Variants in POLR3F observed in about 807,000 individuals in gnomAD.
POLR3F encodes RNA polymerase III subunit F, also known as DNA-directed RNA polymerase III subunit RPC6.
POLR3F carries 31 observed loss-of-function variants against 43.6 expected under a neutral mutation model. The observed-to-expected ratio is 0.71, with a 90% CI of 0.53 to 0.96. The LOEUF is 0.96. POLR3F is among the 40% of genes least tolerant of loss of function. POLR3F has a pLI of 0.00. For synonymous variants in POLR3F, 114 were observed against 132.5 expected, an observed-to-expected ratio of 0.86 and a Z score of 0.96; for missense variants, 316 against 391.7, an observed-to-expected ratio of 0.81 and a Z score of 1.63.
At chr20:18,481,986 T>A (rs1601262441) in intron 8 of POLR3F, among the ~76,000 whole-genome samples, 176 bp downstream of exon 8, 4 of 7,998 alleles carry the variant, frequency 5.0e-4, no homozygotes, top group Non-Finnish European at 1.2e-3. Context: ...TCCTTTACTT[T>A]TTTTTTTTTT....
chr20:18,481,608 C>G lies in POLR3F; in HGVS notation c.682-11C>G. On this transcript the variant is annotated splice_polypyrimidine_tract_variant and intron_variant, in intron 7 of 8. Coordinates refer to ENST00000377603, the MANE Select transcript of POLR3F (RefSeq NM_006466.4). Reference sequence around the variant, plus strand: ...CCTACTTGTGTCCTTTCTGATGTATCCCTTTTTTAGGTAGAGTTATCCATG... The same window carrying G: ...CCTACTTGTGTCCTTTCTGATGTATGCCTTTTTTAGGTAGAGTTATCCATG... 6.4e-7 allele frequency: 1 copy of G among 1,568,896 alleles called. No individual in the cohort carries two copies. The highest frequency in any genetic ancestry group is 8.8e-7 in the Non-Finnish European group (1 of 1,138,944).
intron 2 of POLR3F, among the ~76,000 whole-genome samples, chr20:18,472,252 A>G (rs1003821359): frequency 3.9e-5 from 6 of 151,986 alleles, no homozygotes; most frequent in African/African-American, 1.5e-4. Flanking sequence ...TTCAAGATGG[A>G]GTCTTGCTCT....
chr20:18,484,264 CTT>C lies in POLR3F; in HGVS notation c.*707_*708del. 1 of 397,498 alleles carries C rather than the reference CTT, an allele frequency of 2.5e-6. No homozygotes were observed. Among genetic ancestry groups the C allele is most frequent in the Non-Finnish European group, 4.4e-6 (1 of 225,572 alleles). 24.6% of individuals were successfully genotyped at this position (397,498 alleles called of 1,614,324 possible). A position where few individuals can be genotyped will look rare whatever the true frequency, so the allele number is the denominator to read the frequency against. On this transcript the variant is annotated 3_prime_UTR_variant, in exon 9 of 9. Transcript: ENST00000377603. ...TTCACTGTTCCTTCTTTCTTAAAGT[CTT>C]ATGTTTCACTCTTTAACTCAAATGT...
chr20:18,476,497 AC>A (rs2059781156), intron 5 of POLR3F, among the ~76,000 whole-genome samples: 1 of 152,190 alleles, frequency 6.6e-6, no homozygotes. Context: ...CCGTTGGTGA[AC>A]TTCTGTGTCC....
Position 18,481,716 on chromosome 20 carries a change from T to C in POLR3F, c.779T>C (p.Val260Ala), listed in dbSNP as rs369938005. 2.5e-6 allele frequency: 4 copies of C among 1,613,090 alleles called. No individual in the cohort carries two copies. The highest frequency in any genetic ancestry group is 3.3e-5 in the Admixed American group (2 of 60,002). ...MTIIAAKEGT[V>A]GSVDGHMKLY... ...ATTATTGCTGCAAAAGAAGGCACAG[T>C]TGGCAGTGTAGATGGACACATGAAA... Residue 260 changes from valine to alanine, a missense_variant, in exon 8 of 9, where the codon GTT becomes GCT. Val to Ala is a moderately conservative substitution (Grantham distance 64). This residue lies in a region of POLR3F where 85 missense variants were observed against 80.2 expected (regional missense o/e 1.06). Coordinates refer to ENST00000377603, the MANE Select transcript of POLR3F (RefSeq NM_006466.4).
chr20:18,476,098 C>G (rs1355665270), intron 5 of POLR3F, among the ~76,000 whole-genome samples: 1 of 152,152 alleles, frequency 6.6e-6, no homozygotes, highest in Non-Finnish European at 1.5e-5. Flanking sequence ...ATTCATCATT[C>G]ATACTACAGA....
intron 2 of POLR3F, among the ~76,000 whole-genome samples, chr20:18,471,192 G>C (rs188964152): frequency 1.4e-4 from 21 of 152,294 alleles, no homozygotes; most frequent in Admixed American, 1.4e-3. Flanking sequence ...TACTTCAAAA[G>C]TTAGGTTTCA....
At chr20:18,474,963 C>T in intron 4 of POLR3F, 112 bp from the exon 5 acceptor site, 3 of 554,968 alleles carry the variant, frequency 5.4e-6, no homozygotes, top group Non-Finnish European at 9.8e-6. Context: ...AGCCAGCATT[C>T]TTTACTGTTA....
chr20:18,471,837 C>T (rs903415837), intron 2 of POLR3F, among the ~76,000 whole-genome samples: 1 of 152,198 alleles, frequency 6.6e-6, no homozygotes, highest in Non-Finnish European at 1.5e-5. Flanking sequence ...CAAATATCAG[C>T]GTGGCATGGT....
Position 18,483,899 on chromosome 20 carries a change from G to C in POLR3F, c.*341G>C. The C allele has an allele frequency of 2.5e-6, 1 of 394,222 alleles. No homozygotes were observed. Among genetic ancestry groups the C allele is most frequent in the Non-Finnish European group, 4.5e-6 (1 of 224,116 alleles). The allele number at this position is 394,222 out of a possible 1,614,324, so 24.4% of individuals were successfully genotyped here. ...TTACCAAGTACTATGATAATGGCTA[G>C]AGTATAAAAATGTTCTTTTTAAAGT... On this transcript the variant is annotated 3_prime_UTR_variant, in exon 9 of 9. Coordinates refer to ENST00000377603, the MANE Select transcript of POLR3F (RefSeq NM_006466.4).
intron 8 of POLR3F, among the ~76,000 whole-genome samples, chr20:18,482,299 T>C (rs2059815036): frequency 6.6e-6 from 1 of 152,162 alleles, no homozygotes; most frequent in African/African-American, 2.4e-5. Context: ...CTTTACATTC[T>C]TTCTTGGAAC....
rs550278561 is a variant in POLR3F, at chr20:18,474,800, G to A, written c.317-275G>A. On this transcript the variant is annotated intron_variant, in intron 4 of 8. Transcript: ENST00000377603. ...GCCTCCCTAAGTGCTGGGATTACAG[G>A]CATGAGCCACCATGCCCAGCCCTTT... is the stretch of plus-strand genomic sequence containing the variant. Among the ~76,000 whole-genome samples, 535 of 152,242 alleles carry A rather than the reference G, an allele frequency of 3.5e-3. 3 individuals carry two copies. The highest frequency in any genetic ancestry group is 0.012 in the African/African-American group (502 of 41,546).
At chr20:18,471,209 G>A (rs1166670495) in intron 2 of POLR3F, among the ~76,000 whole-genome samples, 1 of 152,232 alleles carries the variant, frequency 6.6e-6, no homozygotes, top group Non-Finnish European at 1.5e-5. Flanking sequence ...TTCAGGAGGA[G>A]CAGATTGTTT....
chr20:18,467,768 A>T lies in POLR3F; in HGVS notation c.62+200A>T, dbSNP rs1051896829. On this transcript the variant is annotated intron_variant, in intron 1 of 8. Transcript: ENST00000377603. ...TCAAGAAGTTCAAAATGGGTTTGAC[A>T]GCTTGCAACTTTGTGTAGCTGGCTG... 25 of 1,117,526 alleles carry T rather than the reference A, an allele frequency of 2.2e-5. No homozygotes were observed. The Middle Eastern group carries it at 9.1e-4, about 41-fold the overall frequency. 69.2% of individuals were successfully genotyped at this position (1,117,526 alleles called of 1,614,324 possible).
rs369068979 is a variant in POLR3F at position 18,472,884 on chromosome 20, A to G, written c.223A>G (p.Arg75Gly). ...AAGGAGCAATACGGGCCTTTTATATAGAATAAAGGACTCTCAGAATGCTGG... is the reference window on the plus strand; with the variant it reads ...AAGGAGCAATACGGGCCTTTTATATGGAATAAAGGACTCTCAGAATGCTGG... Reference protein sequence around the residue: ...LLRSNTGLLYRIKDSQNAGKM... With the variant: ...LLRSNTGLLYGIKDSQNAGKM... The change falls in exon 3 of 9, where the codon AGA (arginine) becomes GGA (glycine). Residue 75 changes from arginine to glycine, a missense_variant. Transcript: ENST00000377603. The G allele has an allele frequency of 1.3e-6, 2 of 1,502,492 alleles. No individual in the cohort carries two copies. The highest frequency in any genetic ancestry group is 1.8e-6 in the Non-Finnish European group (2 of 1,091,222). 93.1% of individuals were successfully genotyped at this position (1,502,492 alleles called of 1,614,324 possible). A position where few individuals can be genotyped will look rare whatever the true frequency, so the allele number is the denominator to read the frequency against.
chr20:18,476,249 T>C (rs929765383), intron 5 of POLR3F, among the ~76,000 whole-genome samples: 3 of 152,224 alleles, frequency 2.0e-5, no homozygotes, highest in African/African-American at 7.2e-5. Context: ...CTAGTATTTG[T>C]TTCCCAGCCT....
intron 4 of POLR3F, among the ~76,000 whole-genome samples, chr20:18,474,304 G>T (rs2059768939): frequency 2.6e-5 from 4 of 151,842 alleles, no homozygotes; most frequent in African/African-American, 9.7e-5. Context: ...ATACAATGTT[G>T]TATAAATAAT....
At chr20:18,475,481 T>C (rs892477449) in intron 5 of POLR3F, among the ~76,000 whole-genome samples, 2 of 152,240 alleles carry the variant, frequency 1.3e-5, no homozygotes, top group Admixed American at 6.5e-5. Context: ...TCCCGACATA[T>C]TAGCTTTCTC....
At position 18,473,445 on chromosome 20, in the gene POLR3F, T is replaced by A. The variant is rs1030797669; in HGVS notation, c.303T>A (p.Asp101Glu). The change falls in exon 4 of 9, where the codon GAT becomes GAA. Residue 101 changes from aspartate (D) to glutamate (E), a missense_variant. Asp to Glu is a conservative substitution (Grantham distance 45). Transcript: ENST00000377603. ...QEKLVYQIIE[D>E]AGNKGIWSRD... is the part of the protein sequence containing the mutation. ...AACTAGTATATCAAATCATAGAGGA[T>A]GCAGGAAATAAAGGTAAGCATGTGA... 2 of 1,478,710 alleles carry A rather than the reference T, an allele frequency of 1.4e-6. No homozygotes were observed. Among genetic ancestry groups the A allele is most frequent in the Non-Finnish European group, 1.9e-6 (2 of 1,057,704 alleles). 91.6% of individuals were successfully genotyped at this position (1,478,710 alleles called of 1,614,324 possible).
Sources: allele counts gnomAD v4.1 joint callset (sites outside exome capture counted in the v4.1 genomes callset), GRCh38; gene constraint gnomAD v4.1.1; regional missense constraint gnomAD v4.1.1; transcripts MANE v1.5; gene names NCBI Gene and HGNC (gene_info 2026-07-23, HGNC 2026-07-21).